Variants in RORA observed in about 807,000 individuals in gnomAD.
RORA encodes RAR related orphan receptor A.
RORA carries 7 observed loss-of-function variants against 69.5 expected under a neutral mutation model. The ratio of observed to expected loss-of-function variants is 0.10; its 90% CI spans 0.06 to 0.19. The LOEUF (loss-of-function observed/expected upper bound fraction) is 0.19, where lower values mean the gene tolerates loss of function less well. Among genes scored for constraint, RORA ranks in the 10% least tolerant of loss-of-function variants. The probability of loss-of-function intolerance (pLI) is 1.00; values close to 1 mark genes in which losing one functional copy is unlikely to be tolerated. For synonymous variants in RORA, 261 were observed against 240.8 expected, an observed-to-expected ratio of 1.08 and a Z score of -0.78; for missense variants, 457 against 663.0, an observed-to-expected ratio of 0.69 and a Z score of 3.41.
chr15:60,497,895 C>T (rs984721818), intron 10 of RORA, among the ~76,000 whole-genome samples: 3 of 151,160 alleles, frequency 2.0e-5, no homozygotes, highest in African/African-American at 7.3e-5. Flanking sequence ...CCTGTCTCTA[C>T]CTAAAAAAAA....
At chr15:60,515,472 T>C (rs1282447663) in intron 3 of RORA, among the ~76,000 whole-genome samples, 1 of 152,186 alleles carries the variant, frequency 6.6e-6, no homozygotes, top group Non-Finnish European at 1.5e-5. Flanking sequence ...TGAGAGGGGA[T>C]ACAAAGATGT....
At chr15:60,769,586 G>A (rs551588808) in intron 1 of RORA, among the ~76,000 whole-genome samples, 3 of 152,250 alleles carry the variant, frequency 2.0e-5, no homozygotes, top group South Asian at 4.1e-4. Flanking sequence ...GCCTGCTTAG[G>A]TCTCAGTGGA....
chr15:60,905,386 G>C lies in RORA; in HGVS notation c.167-226700C>G, dbSNP rs1891508993. Among the ~76,000 whole-genome samples, 1 of 152,166 alleles carries C rather than the reference G, an allele frequency of 6.6e-6. No individual in the cohort carries two copies. The highest frequency in any genetic ancestry group is 1.5e-5 in the Non-Finnish European group (1 of 68,034). On this transcript the variant is annotated intron_variant, in intron 1 of 10. Coordinates refer to ENST00000335670, the MANE Select transcript of RORA (RefSeq NM_134261.3). This position sits in a 1 kb window ranked among gnomAD's most constrained non-coding sequence, Gnocchi z 4.8. ...AAGAAATGTCAAAGACAGCTCATTA[G>C]ATCAACTTTTTTTTCTGTGTATTTT... is the stretch of plus-strand genomic sequence containing the variant.
chr15:60,659,245 C>T (rs16942900), intron 2 of RORA, among the ~76,000 whole-genome samples: 26,204 of 152,086 alleles, frequency 0.17, 2,489 homozygotes, highest in African/African-American at 0.25. Flanking sequence ...ACAAGATTGG[C>T]GAAGCATGAT....
chr15:60,529,782 T>C (rs2066474412), intron 3 of RORA: 3 of 152,354 alleles, frequency 2.0e-5, no homozygotes, highest in Admixed American at 1.3e-4. Context: ...TGTTGTTAAT[T>C]AATCTTCCAA....
At chr15:60,572,769 A>G (rs1024368422) in intron 2 of RORA, among the ~76,000 whole-genome samples, 1 of 152,148 alleles carries the variant, frequency 6.6e-6, no homozygotes, top group Non-Finnish European at 1.5e-5. Flanking sequence ...TTCTGGATCA[A>G]TTTGTCAAGT....
chr15:60,591,539 G>A lies in RORA; in HGVS notation c.197-59688C>T, dbSNP rs569426515. 3.9e-3 allele frequency among the ~76,000 whole-genome samples: 587 copies of A among 152,006 alleles called. 4 individuals carry two copies. The highest frequency in any genetic ancestry group is 0.013 in the African/African-American group (550 of 41,480). On this transcript the variant is annotated intron_variant, in intron 2 of 10. Coordinates refer to ENST00000335670, the MANE Select transcript of RORA (RefSeq NM_134261.3). Reference sequence around the variant, plus strand: ...CCCTCCCGCCCCCGGCCCGGCTACGGAGTCCTGATGAGGGCGGAAGGCCGG... The same window carrying A: ...CCCTCCCGCCCCCGGCCCGGCTACGAAGTCCTGATGAGGGCGGAAGGCCGG...
chr15:60,732,908 C>T lies in RORA; in HGVS notation c.167-54222G>A, dbSNP rs186243858. Among the ~76,000 whole-genome samples, 8 of 152,242 alleles carry T rather than the reference C, an allele frequency of 5.3e-5. 1 individual carries two copies. Among genetic ancestry groups the T allele is most frequent in the African/African-American group, 1.9e-4 (8 of 41,524 alleles). On this transcript the variant is annotated intron_variant, in intron 1 of 10. Coordinates refer to ENST00000335670, the MANE Select transcript of RORA (RefSeq NM_134261.3). Reference sequence around the variant, plus strand: ...TGCAGATTCAAATATTGCCCCATACCCCATCATAGTATTTTCTTTCAAAAC... The same window carrying T: ...TGCAGATTCAAATATTGCCCCATACTCCATCATAGTATTTTCTTTCAAAAC...
chr15:60,708,843 A>T lies in RORA; in HGVS notation c.167-30157T>A, dbSNP rs569376853. 2.0e-5 allele frequency among the ~76,000 whole-genome samples: 3 copies of T among 152,352 alleles called. No individual in the cohort carries two copies. In the East Asian group the frequency reaches 5.8e-4, roughly 29 times the overall value. The stretch of plus-strand genomic sequence containing the variant: ...GGAAGTGAATCAGATCTATTCCCTA[A>T]CAGAGCATCCAGGGGTCAGGGTGAA... On this transcript the variant is annotated intron_variant, in intron 1 of 10. Coordinates refer to ENST00000335670, the MANE Select transcript of RORA (RefSeq NM_134261.3).
rs993848988 is a variant in RORA, at chr15:60,905,947, C to T, written c.167-227261G>A. On this transcript the variant is annotated intron_variant, in intron 1 of 10. Transcript: ENST00000335670. The surrounding 1 kb of genome is among the most constrained non-coding windows in gnomAD (Gnocchi z 4.8). Reference sequence around the variant, plus strand: ...TATTTTCAGATAAATATCAGGAAAGCATTTATAAATATTTCAGAGGTGTTT... The same window carrying T: ...TATTTTCAGATAAATATCAGGAAAGTATTTATAAATATTTCAGAGGTGTTT... Among the ~76,000 whole-genome samples the T allele has an allele frequency of 6.6e-5, 10 of 152,182 alleles. No homozygotes were observed. The highest frequency in any genetic ancestry group is 1.5e-5 in the Non-Finnish European group (1 of 68,036).
chr15:61,227,583 G>T (rs1258561673), intron 1 of RORA, among the ~76,000 whole-genome samples: 2 of 152,058 alleles, frequency 1.3e-5, no homozygotes, highest in African/African-American at 2.4e-5. Context: ...AAGGTGGGGG[G>T]GGGGATACTG....
At chr15:60,667,988 G>A in intron 2 of RORA, among the ~76,000 whole-genome samples, 1 of 151,982 alleles carries the variant, frequency 6.6e-6, no homozygotes, top group Middle Eastern at 3.2e-3. Context: ...TCTTGTGGCA[G>A]GAAAGTGGTT....
chr15:60,740,028 C>G (rs994912166), intron 1 of RORA, among the ~76,000 whole-genome samples: 3 of 152,186 alleles, frequency 2.0e-5, no homozygotes, highest in African/African-American at 7.2e-5. Context: ...AACCTCTCTT[C>G]TCCTCACCTG....
intron 1 of RORA, among the ~76,000 whole-genome samples, chr15:60,967,924 G>T (rs1893601217): frequency 6.6e-6 from 1 of 152,188 alleles, no homozygotes; most frequent in African/African-American, 2.4e-5. Context: ...CCTCCACAGA[G>T]CCCCTTATCA....
chr15:60,724,375 A>G (rs2071331101), intron 1 of RORA, among the ~76,000 whole-genome samples: 1 of 152,144 alleles, frequency 6.6e-6, no homozygotes, highest in Admixed American at 6.5e-5. Flanking sequence ...TATCCCTATC[A>G]TAGTAAAGGA....
At chr15:61,039,779 G>T (rs1317385545) in intron 1 of RORA, among the ~76,000 whole-genome samples, 2 of 149,144 alleles carry the variant, frequency 1.3e-5, no homozygotes, top group African/African-American at 4.9e-5. Flanking sequence ...GGACCAGCTT[G>T]ATAGTTTGCA....
intron 1 of RORA, among the ~76,000 whole-genome samples, chr15:61,137,225 A>G (rs2079254471): frequency 6.6e-6 from 1 of 152,210 alleles, no homozygotes; most frequent in Non-Finnish European, 1.5e-5. Flanking sequence ...TTATCCTTTG[A>G]AGACTACAAA....
At position 60,736,647 on chromosome 15, in the gene RORA, T is replaced by C. The variant is rs903692105; in HGVS notation, c.167-57961A>G. 3.3e-5 allele frequency: 5 copies of C among 152,230 alleles called. No homozygotes were observed. The South Asian group carries it at 6.2e-4, about 19-fold the overall frequency. 9.4% of individuals were successfully genotyped at this position (152,230 alleles called of 1,614,324 possible). On this transcript the variant is annotated intron_variant, in intron 1 of 10. Transcript: ENST00000335670. The stretch of plus-strand genomic sequence containing the variant: ...CTGTTTGTGTGGCCCCTGTCTACCA[T>C]GTATTATAATGATTTATGGGTCTGC...
rs187065181 is a variant in RORA at position 60,718,094 on chromosome 15, G to T, written c.167-39408C>A. 3.7e-4 allele frequency among the ~76,000 whole-genome samples: 57 copies of T among 152,234 alleles called. 1 individual carries two copies. In the East Asian group the frequency reaches 9.3e-3, roughly 25 times the overall value. ...CAGGCACATTGCATTTTCATTCTAAGATTTGGTGTTCTACGGATAGGACCT... is the reference window on the plus strand; with the variant it reads ...CAGGCACATTGCATTTTCATTCTAATATTTGGTGTTCTACGGATAGGACCT... On this transcript the variant is annotated intron_variant, in intron 1 of 10. Transcript: ENST00000335670.
Sources: allele counts gnomAD v4.1 joint callset (sites outside exome capture counted in the v4.1 genomes callset), GRCh38; gene constraint gnomAD v4.1.1; non-coding constraint Gnocchi (gnomAD v3.1); transcripts MANE v1.5; gene names NCBI Gene and HGNC (gene_info 2026-07-23, HGNC 2026-07-21).